Variants in FHIP1A observed in about 807,000 individuals in gnomAD.
FHIP1A encodes FHF complex subunit HOOK interacting protein 1A.
Under a neutral mutation model 88.6 loss-of-function variants are expected in FHIP1A, and 61 were observed. That is an observed-to-expected ratio of 0.69 (90% CI 0.56 to 0.85). The LOEUF (loss-of-function observed/expected upper bound fraction) is 0.85. FHIP1A is among the 40% of genes least tolerant of loss of function. The pLI, the probability that FHIP1A is intolerant of heterozygous loss-of-function variation, is 0.00. For synonymous variants in FHIP1A, 478 were observed against 496.0 expected, an observed-to-expected ratio of 0.96 and a Z score of 0.48; for missense variants, 1,154 against 1,273.5, an observed-to-expected ratio of 0.91 and a Z score of 1.43.
intron 7 of FHIP1A, among the ~76,000 whole-genome samples, chr4:151,607,033 G>A (rs1447700373): frequency 3.9e-5 from 6 of 152,228 alleles, no homozygotes; most frequent in African/African-American, 1.4e-4. Flanking sequence ...AGTTGGGGAA[G>A]TTGGGGATTC....
intron 3 of FHIP1A, among the ~76,000 whole-genome samples, chr4:151,517,526 CCCTTTTTCTGT>C (rs1239179985): frequency 3.3e-5 from 5 of 152,070 alleles, no homozygotes; most frequent in Admixed American, 6.6e-5. Context: ...GTCTTCCCAG[CCCTTTTTCTGT>C]GCATATTTTT....
chr4:151,460,071 T>G (rs1729095104), intron 2 of FHIP1A, among the ~76,000 whole-genome samples: 1 of 152,212 alleles, frequency 6.6e-6, no homozygotes, highest in African/African-American at 2.4e-5. Flanking sequence ...ATTTTTGAAT[T>G]TGTGGCTACA....
rs77993711 is a variant in FHIP1A at position 151,650,559 on chromosome 4, C to T, written c.2518C>T (p.His840Tyr). ...AGATGAGGCTGCCTTTGCCAGTCGCCATCCCGTGAGGACTCAAAGCACCCC... is the reference window on the plus strand; with the variant it reads ...AGATGAGGCTGCCTTTGCCAGTCGCTATCCCGTGAGGACTCAAAGCACCCC... ...GRDEAAFASR[H>Y]PVRTQSTPFT... The change falls in exon 11 of 14, where the codon CAT becomes TAT. Residue 840 changes from histidine to tyrosine, a missense_variant. By Grantham distance (83) the His-to-Tyr change is moderately conservative. Coordinates refer to ENST00000435205, the MANE Select transcript of FHIP1A (RefSeq NM_001109977.3). 5.9e-4 allele frequency: 917 copies of T among 1,551,218 alleles called. 5 individuals carry two copies. In the African/African-American group the frequency reaches 0.011, roughly 18 times the overall value.
intron 6 of FHIP1A, among the ~76,000 whole-genome samples, chr4:151,587,170 G>C (rs1205498694): frequency 6.6e-6 from 1 of 152,112 alleles, no homozygotes; most frequent in Non-Finnish European, 1.5e-5. Context: ...TTACAAAGGA[G>C]AACACTTTAT....
chr4:151,646,056 T>A (rs940640454), intron 9 of FHIP1A, among the ~76,000 whole-genome samples: 2 of 152,176 alleles, frequency 1.3e-5, no homozygotes, highest in African/African-American at 4.8e-5. Context: ...ATAAGAGAAA[T>A]GACTGAAGCA....
At position 151,578,064 on chromosome 4, in the gene FHIP1A, C is replaced by G; in HGVS notation, c.720C>G (p.Thr240=). The G allele has an allele frequency of 1.3e-6, 2 of 1,549,892 alleles. No individual in the cohort carries two copies. Among genetic ancestry groups the G allele is most frequent in the Non-Finnish European group, 1.7e-6 (2 of 1,146,334 alleles). ...TGGCCCATCACATCGTGGAGAACAC[C>G]TACTTTTGTCCAGTAAGTCTCTTTC... The part of the protein sequence containing the change: ...TMVAHHIVEN[T]YFCPVLATGL... Residue 240 remains threonine (T), a synonymous_variant, in exon 5 of 14, where the codon ACC becomes ACG. Transcript: ENST00000435205.
At chr4:151,438,605 C>CTTTTT (rs200467402) in intron 1 of FHIP1A, among the ~76,000 whole-genome samples, 58,232 of 131,712 alleles carry the variant, frequency 0.44, 13,185 homozygotes, top group Non-Finnish European at 0.51. Context: ...CGGTTTTTGC[C>CTTTTT]TTTTTTTTTT....
At chr4:151,462,069 G>A (rs746157076) in intron 2 of FHIP1A, among the ~76,000 whole-genome samples, 43 of 152,144 alleles carry the variant, frequency 2.8e-4, no homozygotes, top group Non-Finnish European at 3.4e-4. Flanking sequence ...GGCTGAGTTG[G>A]TAGGACCCCT....
intron 5 of FHIP1A, among the ~76,000 whole-genome samples, chr4:151,581,011 C>T (rs10471071): frequency 0.034 from 5,173 of 152,190 alleles, 303 homozygotes; most frequent in African/African-American, 0.12. Context: ...GCGTGTGCCA[C>T]CACGCCCAGG....
intron 3 of FHIP1A, among the ~76,000 whole-genome samples, chr4:151,519,304 C>T (rs985977388): frequency 6.6e-5 from 10 of 152,132 alleles, no homozygotes; most frequent in Non-Finnish European, 1.0e-4. Context: ...GTTAGTTTTG[C>T]TTGTTCTATG....
chr4:151,411,346 T>TCTTTTTTTTTTTTTTC (rs1732634775), intron 1 of FHIP1A, among the ~76,000 whole-genome samples: 1 of 33,170 alleles, frequency 3.0e-5, no homozygotes, highest in Non-Finnish European at 9.4e-5. Context: ...AAATTATATA[T>TCTTTTTTTTTTTTTTC]ATATTTTTTT....
chr4:151,620,645 G>T (rs1735704529), intron 7 of FHIP1A, among the ~76,000 whole-genome samples: 1 of 152,080 alleles, frequency 6.6e-6, no homozygotes, highest in Admixed American at 6.5e-5. Context: ...AGGTCCTACA[G>T]AGTCTCCTCA....
intron 3 of FHIP1A, among the ~76,000 whole-genome samples, chr4:151,560,731 A>G (rs551318180): frequency 2.6e-5 from 4 of 152,154 alleles, no homozygotes; most frequent in Admixed American, 6.5e-5. Context: ...TTAGGTTTCA[A>G]CAAATCACCC....
At chr4:151,639,497 A>G (rs1222138017) in intron 9 of FHIP1A, among the ~76,000 whole-genome samples, 2 of 152,194 alleles carry the variant, frequency 1.3e-5, no homozygotes, top group Non-Finnish European at 2.9e-5. Context: ...AAGGAAAGCA[A>G]TGATGCTTCC....
rs114219124 is a variant in FHIP1A at position 151,578,945 on chromosome 4, T to C, written c.732+869T>C. On this transcript the variant is annotated intron_variant, in intron 5 of 13. Transcript: ENST00000435205. Reference sequence around the variant, plus strand: ...AAGAAATGAGCTGGTAAGCCATGAATAGATATGGTGGAACCTAAATGCTTA... The same window carrying C: ...AAGAAATGAGCTGGTAAGCCATGAACAGATATGGTGGAACCTAAATGCTTA... 2.9e-3 allele frequency among the ~76,000 whole-genome samples: 449 copies of C among 152,286 alleles called. 2 individuals carry two copies. The highest frequency in any genetic ancestry group is 9.7e-3 in the African/African-American group (403 of 41,560).
In FHIP1A at chr4:151,665,863, T is replaced by C. The variant is rs1737645449; in HGVS notation, c.*3109T>C. On this transcript the variant is annotated 3_prime_UTR_variant, in exon 14 of 14. Coordinates refer to ENST00000435205, the MANE Select transcript of FHIP1A (RefSeq NM_001109977.3). ...TGGTCCGAGAGTGTGGACACTTCTC[T>C]ATGTGACAGGCTCCTACACCAGTCG... 6.6e-6 allele frequency among the ~76,000 whole-genome samples: 1 copy of C among 152,268 alleles called. No individual in the cohort carries two copies. Among genetic ancestry groups the C allele is most frequent in the African/African-American group, 2.4e-5 (1 of 41,474 alleles).
At chr4:151,479,285 T>C (rs2126631063) in intron 2 of FHIP1A, among the ~76,000 whole-genome samples, 1 of 152,166 alleles carries the variant, frequency 6.6e-6, no homozygotes, top group Middle Eastern at 3.4e-3. Context: ...TCACTCATCC[T>C]CTCTGTGCCT....
chr4:151,487,458 G>A (rs1398603417), intron 3 of FHIP1A, among the ~76,000 whole-genome samples: 1 of 151,822 alleles, frequency 6.6e-6, no homozygotes, highest in Non-Finnish European at 1.5e-5. Flanking sequence ...TCACCTTAGC[G>A]TCCACTTTAT....
chr4:151,467,012 C>T (rs1561508067), intron 2 of FHIP1A, among the ~76,000 whole-genome samples: 2 of 152,068 alleles, frequency 1.3e-5, no homozygotes, highest in Admixed American at 6.6e-5. Flanking sequence ...TTCTGCGAAG[C>T]AAAAGAAACT....
Sources: allele counts gnomAD v4.1 joint callset (sites outside exome capture counted in the v4.1 genomes callset), GRCh38; gene constraint gnomAD v4.1.1; transcripts MANE v1.5; gene names NCBI Gene and HGNC (gene_info 2026-07-23, HGNC 2026-07-21).